The following CMIP variants were observed in gnomAD, a reference collection of about 807,000 sequenced individuals.
CMIP encodes the protein c-Maf inducing protein, also known as C-Maf-inducing protein.
In CMIP, 13 loss-of-function variants were observed where a neutral mutation model predicts 97.3. The ratio of observed to expected loss-of-function variants is 0.13; its 90% CI spans 0.09 to 0.21. The LOEUF is 0.21. Ranked by LOEUF, CMIP falls within the 10% of genes least tolerant of loss-of-function variation. The pLI is 1.00. For missense variants in CMIP, 847 were observed against 1,024.9 expected (o/e 0.83, Z 2.37); for synonymous variants, 538 against 436.3 (o/e 1.23, Z -2.91).
chr16:81,673,177 A>G (rs2092698513), intron 9 of CMIP, among the ~76,000 whole-genome samples: 1 of 152,120 alleles, frequency 6.6e-6, no homozygotes, highest in South Asian at 2.1e-4. Flanking sequence ...GTCCCAGGAA[A>G]CACTGGGGGA....
chr16:81,581,314 C>T (rs1191596976), intron 1 of CMIP, among the ~76,000 whole-genome samples: 1 of 152,260 alleles, frequency 6.6e-6, no homozygotes, highest in Non-Finnish European at 1.5e-5. Flanking sequence ...GTGATTTAGT[C>T]ACTGAGCGAA....
intron 19 of CMIP, among the ~76,000 whole-genome samples, chr16:81,706,420 G>A (rs1908146146): frequency 1.3e-5 from 2 of 152,366 alleles, no homozygotes; most frequent in Non-Finnish European, 2.9e-5. Flanking sequence ...GACTGGGTCA[G>A]TGGAGGCAGA....
intron 1 of CMIP, among the ~76,000 whole-genome samples, chr16:81,451,561 A>C (rs1401231308): frequency 6.6e-6 from 1 of 151,806 alleles, no homozygotes; most frequent in Non-Finnish European, 1.5e-5. Flanking sequence ...GGGATGGGGG[A>C]GCTGAGCCTC....
intron 14 of CMIP, among the ~76,000 whole-genome samples, chr16:81,698,502 G>A (rs921394583): frequency 6.6e-6 from 1 of 152,220 alleles, no homozygotes; most frequent in Non-Finnish European, 1.5e-5. Context: ...ATGTGCGAAG[G>A]CTGCCTAGAA....
chr16:81,537,181 C>T (rs1026473918), intron 1 of CMIP, among the ~76,000 whole-genome samples: 5 of 152,168 alleles, frequency 3.3e-5, no homozygotes, highest in South Asian at 2.1e-4. Context: ...ACAATGTTCA[C>T]GTGTGAGCCT....
At chr16:81,689,285 G>T (rs1377047210) in intron 10 of CMIP, among the ~76,000 whole-genome samples, 1 of 152,200 alleles carries the variant, frequency 6.6e-6, no homozygotes, top group Non-Finnish European at 1.5e-5. Flanking sequence ...CAGTGTAAAA[G>T]TGTTCCTATT....
At chr16:81,446,398 G>T (rs972902415) in intron 1 of CMIP, among the ~76,000 whole-genome samples, 2 of 151,588 alleles carry the variant, frequency 1.3e-5, no homozygotes, top group East Asian at 1.9e-4. Context: ...GGCCTTCTTC[G>T]TACGTGGAGA....
chr16:81,669,236 C>T (rs111174229), intron 7 of CMIP, among the ~76,000 whole-genome samples: 5,799 of 106,020 alleles, frequency 0.055, 631 homozygotes, highest in East Asian at 0.21. Context: ...CCACCTCACA[C>T]CTCCACACCC....
At chr16:81,672,297 G>A (rs2092690136) in intron 9 of CMIP, among the ~76,000 whole-genome samples, 1 of 152,260 alleles carries the variant, frequency 6.6e-6, no homozygotes, top group Non-Finnish European at 1.5e-5. Flanking sequence ...GCAACTGCAA[G>A]GCTGTTAGAG....
Position 81,588,869 on chromosome 16 carries a change from A to G in CMIP, c.301-18698A>G, listed in dbSNP as rs146792931. 3.2e-3 allele frequency among the ~76,000 whole-genome samples: 485 copies of G among 151,688 alleles called. 4 individuals carry two copies. The highest frequency in any genetic ancestry group is 0.011 in the African/African-American group (462 of 41,344). On this transcript the variant is annotated intron_variant, in intron 1 of 20. Transcript: ENST00000537098. Reference sequence around the variant, plus strand: ...GTGGCCCTGTCTCCTGGCCTCTATCACTCCCATTTCACAGATGAGGAGACC... The same window carrying G: ...GTGGCCCTGTCTCCTGGCCTCTATCGCTCCCATTTCACAGATGAGGAGACC...
chr16:81,554,200 C>T (rs2090716851), intron 1 of CMIP, among the ~76,000 whole-genome samples: 1 of 152,202 alleles, frequency 6.6e-6, no homozygotes, highest in South Asian at 2.1e-4. Context: ...GGGAGTCTAC[C>T]TTTCCATGAG....
At chr16:81,658,366 G>T (rs1303208805) in intron 5 of CMIP, among the ~76,000 whole-genome samples, 1 of 152,234 alleles carries the variant, frequency 6.6e-6, no homozygotes, top group African/African-American at 2.4e-5. Context: ...AATTGCACCT[G>T]CTAGATGGTA....
At chr16:81,541,671 T>A (rs1048396736) in intron 1 of CMIP, among the ~76,000 whole-genome samples, 1 of 152,158 alleles carries the variant, frequency 6.6e-6, no homozygotes, top group African/African-American at 2.4e-5. Context: ...AAAGTCTCAG[T>A]GGAGTGGAGT....
chr16:81,535,013 T>A (rs2090314249), intron 1 of CMIP, among the ~76,000 whole-genome samples: 1 of 152,146 alleles, frequency 6.6e-6, no homozygotes, highest in Non-Finnish European at 1.5e-5. Flanking sequence ...TGCAGAGGCG[T>A]GATCTCGGCT....
intron 1 of CMIP, among the ~76,000 whole-genome samples, chr16:81,498,992 A>G (rs968727737): frequency 6.6e-6 from 1 of 152,174 alleles, no homozygotes; most frequent in Non-Finnish European, 1.5e-5. Flanking sequence ...TTACAAATTC[A>G]AATGTATTTA....
At chr16:81,607,746 T>C in intron 2 of CMIP, 54 bp downstream of exon 2, 4 of 1,591,060 alleles carry the variant, frequency 2.5e-6, no homozygotes, top group Non-Finnish European at 3.4e-6. Flanking sequence ...TTCATGCACT[T>C]GTGCCCCTCG....
intron 3 of CMIP, 31 bp downstream of exon 3, chr16:81,620,957 C>T (rs369939332): frequency 2.4e-5 from 39 of 1,612,364 alleles, no homozygotes; most frequent in Admixed American, 8.3e-5. Context: ...TTGTTTAAAG[C>T]GACTCAGGCA....
chr16:81,561,271 T>A (rs569338885), intron 1 of CMIP, among the ~76,000 whole-genome samples: 1 of 152,302 alleles, frequency 6.6e-6, no homozygotes, highest in South Asian at 2.1e-4. Context: ...ATAGATCACC[T>A]AATATTTTAG....
intron 3 of CMIP, among the ~76,000 whole-genome samples, chr16:81,647,989 G>A (rs1449773588): frequency 2.1e-5 from 1 of 47,296 alleles, no homozygotes; most frequent in Non-Finnish European, 3.8e-5. Context: ...CCCCACACCC[G>A]CAGAGCCGTA....
Sources: allele counts gnomAD v4.1 joint callset (sites outside exome capture counted in the v4.1 genomes callset), GRCh38; gene constraint gnomAD v4.1.1; transcripts MANE v1.5; gene names NCBI Gene and HGNC (gene_info 2026-07-23, HGNC 2026-07-21).